The following DGKB variants were observed in gnomAD, a reference collection of about 807,000 sequenced individuals.
The protein encoded by DGKB is diacylglycerol kinase beta.
A neutral mutation model predicts 114.3 loss-of-function variants in DGKB; 67 were observed. The observed-to-expected ratio is 0.59, with a 90% CI of 0.48 to 0.72. DGKB has a LOEUF of 0.72. Among genes scored for constraint, DGKB ranks in the 30% least tolerant of loss-of-function variants. DGKB has a pLI of 0.00. For missense variants in DGKB, 907 were observed against 975.2 expected (o/e 0.93, Z 0.93); for synonymous variants, 398 against 323.1 (o/e 1.23, Z -2.49).
At chr7:14,917,123 A>G (rs1246293810) in intron 1 of DGKB, among the ~76,000 whole-genome samples, 3 of 152,116 alleles carry the variant, frequency 2.0e-5, no homozygotes, top group Non-Finnish European at 2.9e-5. Flanking sequence ...TATGTGGAAC[A>G]CAACAAAAGC....
chr7:14,148,626 T>G lies in DGKB; in HGVS notation c.*505A>C, dbSNP rs1467660318. 2 of 158,280 alleles carry G rather than the reference T, an allele frequency of 1.3e-5. No individual in the cohort carries two copies. The highest frequency in any genetic ancestry group is 2.4e-5 in the African/African-American group (1 of 41,488). The allele number at this position is 158,280 out of a possible 1,614,324, so 9.8% of individuals were successfully genotyped here. On this transcript the variant is annotated 3_prime_UTR_variant, in exon 26 of 26. Transcript: ENST00000402815. ...TAGCAAGGTATTGTAGTCAACTATT[T>G]AATAAAATCTTCGAATTAAAAGTTT...
chr7:14,842,742 T>C (rs767152535), intron 1 of DGKB, among the ~76,000 whole-genome samples: 4 of 60,942 alleles, frequency 6.6e-5, no homozygotes, highest in Non-Finnish European at 1.1e-4. Context: ...TTCTGTCACA[T>C]TGGCACATTA....
intron 23 of DGKB, among the ~76,000 whole-genome samples, chr7:14,220,818 CA>C (rs546168411): frequency 2.0e-5 from 3 of 151,268 alleles, no homozygotes; most frequent in South Asian, 2.1e-4. Flanking sequence ...TTGCAATTTT[CA>C]AATGTTTTCT....
intron 1 of DGKB, among the ~76,000 whole-genome samples, chr7:14,936,013 G>T (rs67462368): frequency 6.6e-6 from 1 of 152,028 alleles, no homozygotes; most frequent in Non-Finnish European, 1.5e-5. Flanking sequence ...AGTAATGAAT[G>T]GGTGGCTAAT....
chr7:14,305,728 A>G (rs1266227699), intron 23 of DGKB, among the ~76,000 whole-genome samples: 2 of 152,118 alleles, frequency 1.3e-5, no homozygotes, highest in Non-Finnish European at 2.9e-5. Context: ...TGATTTGCCA[A>G]TGATCTTATC....
chr7:14,541,101 T>G (rs1793360545), intron 20 of DGKB, among the ~76,000 whole-genome samples: 2 of 151,774 alleles, frequency 1.3e-5, no homozygotes. Context: ...AGAATATTGT[T>G]GGTCTCCTTT....
intron 20 of DGKB, among the ~76,000 whole-genome samples, chr7:14,560,174 C>T (rs997802801): frequency 2.0e-5 from 3 of 151,728 alleles, no homozygotes; most frequent in African/African-American, 7.3e-5. Flanking sequence ...TTTACTTTCT[C>T]CTCTCTTTTT....
rs139659371 is a variant in DGKB at position 14,585,427 on chromosome 7, GTCTT to G, written c.1434-2294_1434-2291del. On this transcript the variant is annotated intron_variant, in intron 17 of 25. Coordinates refer to ENST00000402815, the MANE Select transcript of DGKB (RefSeq NM_001350709.2). ...CACGTGTCTGACATAATCAACATGT[GTCTT>G]TCTACTTTTCCCACTTACATTGGTA... is the stretch of plus-strand genomic sequence containing the variant. Among the ~76,000 whole-genome samples the G allele has an allele frequency of 6.8e-3, 1,028 of 152,198 alleles. 16 individuals carry two copies. The highest frequency in any genetic ancestry group is 0.022 in the African/African-American group (912 of 41,542).
chr7:14,809,837 A>G (rs1843202360), intron 2 of DGKB, among the ~76,000 whole-genome samples: 1 of 152,208 alleles, frequency 6.6e-6, no homozygotes, highest in Non-Finnish European at 1.5e-5. Flanking sequence ...AACTACATGT[A>G]TAAAAGTGAG....
At chr7:14,406,454 G>A (rs1823942562) in intron 21 of DGKB, among the ~76,000 whole-genome samples, 1 of 152,008 alleles carries the variant, frequency 6.6e-6, no homozygotes, top group Non-Finnish European at 1.5e-5. Flanking sequence ...CTGATATAAA[G>A]AAATGAAGAT....
At position 14,248,732 on chromosome 7, in the gene DGKB, A is replaced by G. The variant is rs923870648; in HGVS notation, c.2123-70581T>C. On this transcript the variant is annotated intron_variant, in intron 23 of 25. Coordinates refer to ENST00000402815, the MANE Select transcript of DGKB (RefSeq NM_001350709.2). ...TACTATTCAATTCATTTTTAATTCT[A>G]ACAGTTTTTGGTATAGTCTGGAGTT... is the stretch of plus-strand genomic sequence containing the variant. Among the ~76,000 whole-genome samples the G allele has an allele frequency of 5.9e-5, 9 of 152,068 alleles. 1 individual carries two copies. Among genetic ancestry groups the G allele is most frequent in the Admixed American group, 5.9e-4 (9 of 15,262 alleles).
intron 13 of DGKB, among the ~76,000 whole-genome samples, chr7:14,647,671 C>G (rs62445649): frequency 6.6e-6 from 1 of 152,150 alleles, no homozygotes; most frequent in Non-Finnish European, 1.5e-5. Flanking sequence ...CAGCTCGGGT[C>G]TACAGCTCCC....
intron 23 of DGKB, among the ~76,000 whole-genome samples, chr7:14,283,871 G>C (rs1430151045): frequency 6.6e-6 from 1 of 151,930 alleles, no homozygotes; most frequent in African/African-American, 2.4e-5. Flanking sequence ...ATTCAAGATG[G>C]ATTAAAGACT....
Position 14,148,697 on chromosome 7 carries a change from C to A in DGKB, c.*434G>T. On this transcript the variant is annotated 3_prime_UTR_variant, in exon 26 of 26. Transcript: ENST00000402815. ...TGATACACTGATTCTAAAAGGGAAA[C>A]GTATAGCAATCTGCAATTATGATCA... 5.1e-6 allele frequency: 1 copy of A among 194,878 alleles called. No homozygotes were observed. The highest frequency in any genetic ancestry group is 8.6e-5 in the South Asian group (1 of 11,628). 12.1% of individuals were successfully genotyped at this position (194,878 alleles called of 1,614,324 possible).
chr7:14,608,880 A>G (rs369025063), intron 16 of DGKB, among the ~76,000 whole-genome samples: 26 of 152,158 alleles, frequency 1.7e-4, no homozygotes, highest in African/African-American at 6.0e-4. Flanking sequence ...AAAGTGCTCT[A>G]CAAGGAGAAC....
intron 13 of DGKB, among the ~76,000 whole-genome samples, chr7:14,655,201 T>A (rs1361017928): frequency 2.6e-5 from 4 of 151,610 alleles, no homozygotes; most frequent in African/African-American, 4.8e-5. Context: ...ATAATAATGG[T>A]AATAATCCCA....
intron 1 of DGKB, among the ~76,000 whole-genome samples, chr7:14,873,921 T>C (rs1308931568): frequency 1.3e-5 from 2 of 152,112 alleles, no homozygotes; most frequent in African/African-American, 4.8e-5. Flanking sequence ...TGGTATAAAA[T>C]ATGGAATAAC....
upstream of DGKB, chr7:14,902,923 G>T (rs1783352661): frequency 6.6e-6 from 1 of 152,070 alleles, no homozygotes; most frequent in African/African-American, 2.4e-5. Context: ...AACAGCGGAG[G>T]CTGAAAGACG....
intron 21 of DGKB, among the ~76,000 whole-genome samples, chr7:14,355,275 C>T (rs1275658485): frequency 6.6e-6 from 1 of 152,120 alleles, no homozygotes; most frequent in Non-Finnish European, 1.5e-5. Flanking sequence ...TCATTTCTTT[C>T]TCTTGCCTGA....
Sources: gnomAD v4.1 joint callset for allele counts (sites outside exome capture counted in the v4.1 genomes callset) on GRCh38, gnomAD v4.1.1 for gene constraint, MANE v1.5 for transcripts, NCBI Gene and HGNC (gene_info 2026-07-23, HGNC 2026-07-21) for gene names.